The following PODXL variants were observed in gnomAD, a reference collection of about 807,000 sequenced individuals.
PODXL encodes podocalyxin like, also known as podocalyxin.
Under a neutral mutation model 48.9 loss-of-function variants are expected in PODXL, and 20 were observed. The observed-to-expected ratio is 0.41, with a 90% CI of 0.29 to 0.59. The LOEUF is 0.59. PODXL is among the 20% of genes least tolerant of loss of function. The pLI, the probability that PODXL is intolerant of heterozygous loss-of-function variation, is 0.31. For synonymous variants in PODXL, 295 were observed against 287.4 expected, an observed-to-expected ratio of 1.03 and a Z score of -0.27; for missense variants, 606 against 675.1, an observed-to-expected ratio of 0.90 and a Z score of 1.13.
At chr7:131,549,990 G>A (rs1254741093) in intron 1 of PODXL, among the ~76,000 whole-genome samples, 1 of 152,248 alleles carries the variant, frequency 6.6e-6, no homozygotes, top group Non-Finnish European at 1.5e-5. Context: ...CAGCGATTCA[G>A]GGCAGGGCCA....
At chr7:131,551,587 C>A (rs940613605) in intron 1 of PODXL, among the ~76,000 whole-genome samples, 3 of 152,168 alleles carry the variant, frequency 2.0e-5, no homozygotes, top group African/African-American at 7.2e-5. Context: ...CATCTACGTC[C>A]CCTCCTGAGA....
chr7:131,527,505 A>G lies in PODXL; in HGVS notation c.101-16072T>C, dbSNP rs142311351. 4.6e-3 allele frequency among the ~76,000 whole-genome samples: 705 copies of G among 152,320 alleles called. 7 individuals are homozygous for G. The highest frequency in any genetic ancestry group is 0.018 in the Admixed American group (269 of 15,294). Reference sequence around the variant, plus strand: ...GCTTCTGCTTTAGATTCACGTTTTAAGGAAGGAGTGGTTGGCTGTGCTGAA... The same window carrying G: ...GCTTCTGCTTTAGATTCACGTTTTAGGGAAGGAGTGGTTGGCTGTGCTGAA... On this transcript the variant is annotated intron_variant, in intron 1 of 8. Coordinates refer to ENST00000378555, the MANE Select transcript of PODXL (RefSeq NM_001018111.3).
At position 131,508,949 on chromosome 7, in the gene PODXL, A is replaced by G; in HGVS notation, c.1101+2T>C. The G allele has an allele frequency of 6.2e-7, 1 of 1,609,590 alleles. No homozygotes were observed. The highest frequency in any genetic ancestry group is 1.3e-5 in the African/African-American group (1 of 74,888). On this transcript the variant is annotated splice_donor_variant, in intron 5 of 8. Transcript: ENST00000378555. LOFTEE classifies it high-confidence loss of function. ...GGCGGCTCAGATCAGCAAGCTACTC[A>G]CACAGAGGGTGTTTCCTGTGAGGTT... is the stretch of plus-strand genomic sequence containing the variant.
intron 1 of PODXL, chr7:131,520,242 G>A: frequency 2.2e-6 from 1 of 452,488 alleles, no homozygotes; most frequent in Non-Finnish European, 4.3e-6. Context: ...CCTGGAGTGG[G>A]CTTCAAGCAG....
intron 1 of PODXL, among the ~76,000 whole-genome samples, chr7:131,550,248 A>T (rs1400283798): frequency 6.6e-6 from 1 of 152,214 alleles, no homozygotes; most frequent in Non-Finnish European, 1.5e-5. Context: ...CACCCTTAGG[A>T]GTCTAACTCT....
In PODXL at chr7:131,536,426, G is replaced by A. The variant is rs893006902; in HGVS notation, c.100+19834C>T. ...GGCTTCTGTGGGAGGGACCACGACT[G>A]TTTCTCTCGTATCCCTGGCACCTGC... On this transcript the variant is annotated intron_variant, in intron 1 of 8. Coordinates refer to ENST00000378555, the MANE Select transcript of PODXL (RefSeq NM_001018111.3). 1.2e-4 allele frequency among the ~76,000 whole-genome samples: 19 copies of A among 152,138 alleles called. No individual in the cohort carries two copies. The East Asian group carries it at 3.5e-3, about 28-fold the overall frequency.
At chr7:131,550,104 A>T (rs1798645959) in intron 1 of PODXL, among the ~76,000 whole-genome samples, 1 of 152,246 alleles carries the variant, frequency 6.6e-6, no homozygotes, top group Non-Finnish European at 1.5e-5. Flanking sequence ...ATTATCCCGC[A>T]AACATTTCTT....
chr7:131,538,597 G>C (rs1053993022), intron 1 of PODXL, among the ~76,000 whole-genome samples: 1 of 152,168 alleles, frequency 6.6e-6, no homozygotes, highest in African/African-American at 2.4e-5. Context: ...TGTGGCTGAA[G>C]GCAGAGAGGT....
intron 2 of PODXL, 110 bp downstream of exon 2, chr7:131,510,718 T>G: frequency 7.8e-7 from 1 of 1,287,478 alleles, no homozygotes; most frequent in Non-Finnish European, 1.1e-6. Flanking sequence ...GTGATCCACC[T>G]GTCTCGGCCT....
intron 1 of PODXL, chr7:131,520,371 T>C (rs1562908037): frequency 2.1e-5 from 10 of 471,326 alleles, no homozygotes; most frequent in Non-Finnish European, 4.1e-5. Flanking sequence ...ATAAAGAATG[T>C]CCCATACCTA....
At chr7:131,542,271 T>C (rs1798495816) in intron 1 of PODXL, among the ~76,000 whole-genome samples, 1 of 152,224 alleles carries the variant, frequency 6.6e-6, no homozygotes, top group African/African-American at 2.4e-5. Flanking sequence ...CCAGTCTGGC[T>C]ACCCTGCAAG....
chr7:131,523,829 C>CA (rs1455396528), intron 1 of PODXL, among the ~76,000 whole-genome samples: 1 of 149,268 alleles, frequency 6.7e-6, no homozygotes, highest in East Asian at 2.0e-4. Flanking sequence ...GAGACAGTCT[C>CA]ACTCTGTTGC....
chr7:131,556,422 G>C lies in PODXL; in HGVS notation c.-63C>G, dbSNP rs1798749400. The C allele has an allele frequency of 6.0e-6, 8 of 1,323,884 alleles. No individual in the cohort carries two copies. Among genetic ancestry groups the C allele is most frequent in the Non-Finnish European group, 7.7e-6 (8 of 1,038,938 alleles). The allele number at this position is 1,323,884 out of a possible 1,614,324, so 82.0% of individuals were successfully genotyped here. ...GTGCCGGCGGAGGATCCGCGCGTCCGGGCGGTAGGAGCGTGGGCGCCGCCC... is the reference window on the plus strand; with the variant it reads ...GTGCCGGCGGAGGATCCGCGCGTCCCGGCGGTAGGAGCGTGGGCGCCGCCC... On this transcript the variant is annotated 5_prime_UTR_variant, in exon 1 of 9. Coordinates refer to ENST00000378555, the MANE Select transcript of PODXL (RefSeq NM_001018111.3).
rs1280414624 is a variant in PODXL at position 131,500,365 on chromosome 7, A to G, written c.*3946T>C. ...ATTATTAACTATAGTTTTTACAAAC[A>G]AGTTTCTCAGTAAATTCCAGTGTAC... is the stretch of plus-strand genomic sequence containing the variant. On this transcript the variant is annotated 3_prime_UTR_variant, in exon 9 of 9. Transcript: ENST00000378555. The G allele has an allele frequency of 8.5e-5, 13 of 152,684 alleles. No individual in the cohort carries two copies. The highest frequency in any genetic ancestry group is 4.4e-5 in the Non-Finnish European group (3 of 68,048). The allele number at this position is 152,684 out of a possible 1,614,324, so 9.5% of individuals were successfully genotyped here.
intron 1 of PODXL, among the ~76,000 whole-genome samples, chr7:131,517,061 T>C (rs913223658): frequency 2.0e-5 from 3 of 152,180 alleles, no homozygotes; most frequent in African/African-American, 7.2e-5. Flanking sequence ...CATCCTATAA[T>C]TGATAGTGGC....
At chr7:131,520,701 C>T (rs961592461) in intron 1 of PODXL, among the ~76,000 whole-genome samples, 3 of 152,180 alleles carry the variant, frequency 2.0e-5, no homozygotes, top group African/African-American at 7.2e-5. Context: ...GGAATTGTTT[C>T]ATGTACAATC....
intron 1 of PODXL, among the ~76,000 whole-genome samples, chr7:131,548,468 G>T (rs1798617852): frequency 6.6e-6 from 1 of 152,324 alleles, no homozygotes; most frequent in Middle Eastern, 3.4e-3. Flanking sequence ...AATGTGACTA[G>T]AAGTGTCACA....
intron 1 of PODXL, among the ~76,000 whole-genome samples, chr7:131,519,369 C>G (rs1798058508): frequency 6.6e-6 from 1 of 152,112 alleles, no homozygotes; most frequent in Non-Finnish European, 1.5e-5. Flanking sequence ...GTGAGCCGCG[C>G]TCCAATTTCC....
intron 1 of PODXL, among the ~76,000 whole-genome samples, chr7:131,515,454 T>C (rs1455555498): frequency 1.3e-5 from 2 of 152,038 alleles, no homozygotes; most frequent in Non-Finnish European, 2.9e-5. Context: ...CAAGCTGGAG[T>C]GCAATGGTGC....
Sources: gnomAD v4.1 joint callset for allele counts (sites outside exome capture counted in the v4.1 genomes callset) on GRCh38, gnomAD v4.1.1 for gene constraint, MANE v1.5 for transcripts, NCBI Gene and HGNC (gene_info 2026-07-23, HGNC 2026-07-21) for gene names.